Variants in TRPM7 observed in about 807,000 individuals in gnomAD.
TRPM7 encodes transient receptor potential cation channel subfamily M member 7, also known as LTRPC ion channel family member 7.
Under a neutral mutation model 229.7 loss-of-function variants are expected in TRPM7, and 134 were observed. The observed-to-expected ratio is 0.58, with a 90% CI of 0.51 to 0.67. The LOEUF is 0.67. Among genes scored for constraint, TRPM7 ranks in the 30% least tolerant of loss-of-function variants. TRPM7 has a pLI of 0.00. For synonymous variants in TRPM7, 699 were observed against 715.2 expected, an observed-to-expected ratio of 0.98 and a Z score of 0.36; for missense variants, 1,901 against 2,210.0, an observed-to-expected ratio of 0.86 and a Z score of 2.80.
intron 1 of TRPM7, among the ~76,000 whole-genome samples, chr15:50,681,912 T>A (rs898538702): frequency 2.0e-5 from 3 of 152,272 alleles, no homozygotes; most frequent in African/African-American, 7.2e-5. Flanking sequence ...GACTGTGCGG[T>A]GGCTCACGCC....
chr15:50,597,754 A>G (rs2059670235), intron 22 of TRPM7, among the ~76,000 whole-genome samples: 4 of 151,928 alleles, frequency 2.6e-5, no homozygotes, highest in African/African-American at 9.7e-5. Context: ...CTACTTAAAA[A>G]AACAAAAACA....
chr15:50,648,183 G>A (rs2061323959), intron 4 of TRPM7, among the ~76,000 whole-genome samples: 1 of 152,076 alleles, frequency 6.6e-6, no homozygotes, highest in Non-Finnish European at 1.5e-5. Flanking sequence ...GTATCTGAGG[G>A]AAGTCCTGAA....
intron 8 of TRPM7, among the ~76,000 whole-genome samples, chr15:50,633,754 A>G (rs1332515468): frequency 3.9e-5 from 6 of 152,160 alleles, no homozygotes; most frequent in Non-Finnish European, 8.8e-5. Context: ...GTAGCTTTAA[A>G]CATATATTAT....
intron 33 of TRPM7, among the ~76,000 whole-genome samples, 196 bp downstream of exon 33, chr15:50,575,528 T>C (rs569937089): frequency 6.6e-6 from 1 of 152,352 alleles, no homozygotes; most frequent in Non-Finnish European, 1.5e-5. Flanking sequence ...AATATGCCAG[T>C]AATGGAGAAA....
chr15:50,661,644 A>T (rs750381595), intron 2 of TRPM7, among the ~76,000 whole-genome samples: 1 of 152,254 alleles, frequency 6.6e-6, no homozygotes, highest in Non-Finnish European at 1.5e-5. Flanking sequence ...GACATATTCT[A>T]TAATATAAAG....
At position 50,576,158 on chromosome 15, in the gene TRPM7, T is replaced by C. The variant is rs573095820; in HGVS notation, c.4619-239A>G. 1.5e-4 allele frequency among the ~76,000 whole-genome samples: 23 copies of C among 152,330 alleles called. 1 individual carries two copies. Among genetic ancestry groups the C allele is most frequent in the South Asian group, 1.5e-3 (7 of 4,822 alleles). On this transcript the variant is annotated intron_variant, in intron 31 of 38. Transcript: ENST00000646667. ...GTGAAGAGCACATTATGCTGCACAC[T>C]ATCCTAACTCCTGCCATAAACTCAC...
At chr15:50,646,751 C>T (rs1466523154) in intron 4 of TRPM7, among the ~76,000 whole-genome samples, 1 of 152,156 alleles carries the variant, frequency 6.6e-6, no homozygotes, top group Non-Finnish European at 1.5e-5. Context: ...ATTTACAGTA[C>T]AGTCATGTGC....
At chr15:50,571,869 C>T (rs757643274) in intron 36 of TRPM7, among the ~76,000 whole-genome samples, 5 of 152,188 alleles carry the variant, frequency 3.3e-5, no homozygotes, top group African/African-American at 4.8e-5. Flanking sequence ...TATACATAAA[C>T]TTTGTTGATA....
At chr15:50,580,942 C>G in intron 29 of TRPM7, 34 bp from the exon 30 acceptor site, 1 of 1,558,242 alleles carries the variant, frequency 6.4e-7, no homozygotes, top group Non-Finnish European at 8.6e-7. Context: ...CACACAAAAA[C>G]CTTAAAGACA....
intron 16 of TRPM7, 23 bp downstream of exon 16, chr15:50,612,526 T>C: frequency 6.3e-7 from 1 of 1,594,960 alleles, no homozygotes; most frequent in Non-Finnish European, 8.5e-7. Flanking sequence ...TAAAATGTTT[T>C]CAAATGATAA....
rs1259026010 is a variant in TRPM7 at position 50,560,598 on chromosome 15, T to C, written c.*1080A>G. 6.6e-6 allele frequency: 1 copy of C among 152,622 alleles called. No individual in the cohort carries two copies. The highest frequency in any genetic ancestry group is 1.5e-5 in the Non-Finnish European group (1 of 68,038). 9.5% of individuals were successfully genotyped at this position (152,622 alleles called of 1,614,324 possible). Reference sequence around the variant, plus strand: ...AGATGAAAAGCTTTTCTTGTTATTGTTGAATATTCAACAATATCTGGGGCT... The same window carrying C: ...AGATGAAAAGCTTTTCTTGTTATTGCTGAATATTCAACAATATCTGGGGCT... On this transcript the variant is annotated 3_prime_UTR_variant, in exon 39 of 39. Transcript: ENST00000646667.
In TRPM7 at chr15:50,679,521, T is replaced by TATATTATATATATGTGTATATATATA. The variant is rs1567129306; in HGVS notation, c.3+7009_3+7010insTATATATATACACATATATATAATAT. ...TATGTGTATATATATAATATATATA[T>TATATTATATATATGTGTATATATATA]ATATATATATATATATATTTTTTTT... is the stretch of plus-strand genomic sequence containing the variant. On this transcript the variant is annotated intron_variant, in intron 1 of 38. Transcript: ENST00000646667. 2.3e-3 allele frequency among the ~76,000 whole-genome samples: 50 copies of TATATTATATATATGTGTATATATATA among 22,188 alleles called. 1 individual carries two copies. Among genetic ancestry groups the TATATTATATATATGTGTATATATATA allele is most frequent in the African/African-American group, 6.1e-3 (49 of 7,978 alleles). 14.6% of individuals were successfully genotyped at this position (22,188 alleles called of 152,430 possible). A position where few individuals can be genotyped will look rare whatever the true frequency, so the allele number is the denominator to read the frequency against.
rs1217468305 is a variant in TRPM7, at chr15:50,567,332, C to A, written c.5467+2555G>T. Among the ~76,000 whole-genome samples, 5 of 152,128 alleles carry A rather than the reference C, an allele frequency of 3.3e-5. 1 individual carries two copies. The highest frequency in any genetic ancestry group is 9.7e-5 in the African/African-American group (4 of 41,426). On this transcript the variant is annotated intron_variant, in intron 38 of 38. Coordinates refer to ENST00000646667, the MANE Select transcript of TRPM7 (RefSeq NM_017672.6). Reference sequence around the variant, plus strand: ...CCCAATGCTACCCCTGTCCCCTCCCCACTAAATGCTTAGTTTAAAACCATG... The same window carrying A: ...CCCAATGCTACCCCTGTCCCCTCCCAACTAAATGCTTAGTTTAAAACCATG...
Position 50,592,043 on chromosome 15 carries a change from G to T in TRPM7, c.4192C>A (p.Pro1398Thr). 1 of 1,613,416 alleles carries T rather than the reference G, an allele frequency of 6.2e-7. No homozygotes were observed. The highest frequency in any genetic ancestry group is 8.5e-7 in the Non-Finnish European group (1 of 1,179,760). ...GGTGTACTAACAAAAAATTTGGTTG[G>T]TGGGGATGACAGATGTGGTATGCTA... is the stretch of plus-strand genomic sequence containing the variant. ...STSIPHLSSP[P>T]TKFFVSTPSQ... Residue 1398 changes from proline (P) to threonine (T), a missense_variant, in exon 26 of 39, where the codon CCA becomes ACA. Coordinates refer to ENST00000646667, the MANE Select transcript of TRPM7 (RefSeq NM_017672.6).
rs2061335588 is a variant in TRPM7, at chr15:50,648,694, C to G, written c.314G>C (p.Arg105Thr). ...ATCCAATATGTGACATACCTTAGCTCTGTAGGAATGAGAACCCCCTTGAAA... is the reference window on the plus strand; with the variant it reads ...ATCCAATATGTGACATACCTTAGCTGTGTAGGAATGAGAACCCCCTTGAAA... ...INFQGGSHSY[R>T]AKYVRLSYDT... The change falls in exon 4 of 39, where the codon AGA (arginine) becomes ACA (threonine). Residue 105 changes from arginine (R) to threonine (T), a missense_variant. Around this residue, in one of 8 missense-constraint regions of TRPM7, gnomAD observed 794 missense variants for 881.9 expected, o/e 0.90. Coordinates refer to ENST00000646667, the MANE Select transcript of TRPM7 (RefSeq NM_017672.6). The G allele has an allele frequency of 6.2e-7, 1 of 1,606,054 alleles. No individual in the cohort carries two copies. Among genetic ancestry groups the G allele is most frequent in the African/African-American group, 1.3e-5 (1 of 74,700 alleles).
chr15:50,686,380 T>A (rs1304512941), intron 1 of TRPM7, 151 bp downstream of exon 1: 1 of 1,319,720 alleles, frequency 7.6e-7, no homozygotes, highest in Admixed American at 1.8e-5. Context: ...TGCACACCCG[T>A]CCCGAGAGGA....
intron 1 of TRPM7, among the ~76,000 whole-genome samples, chr15:50,672,774 G>A (rs907941390): frequency 1.3e-5 from 2 of 151,198 alleles, no homozygotes; most frequent in Non-Finnish European, 2.9e-5. Context: ...GCCAAGTGTG[G>A]TGGCGGATGC....
intron 12 of TRPM7, 23 bp from the exon 13 acceptor site, chr15:50,619,821 C>G: frequency 6.3e-7 from 1 of 1,583,464 alleles, no homozygotes; most frequent in Non-Finnish European, 8.6e-7. Flanking sequence ...AAAGTTACAG[C>G]AAACTATTAT....
chr15:50,653,998 G>A (rs1379898088), intron 3 of TRPM7, among the ~76,000 whole-genome samples: 1 of 151,990 alleles, frequency 6.6e-6, no homozygotes, highest in East Asian at 1.9e-4. Flanking sequence ...CCACATCCTA[G>A]GACTAAGTTC....
Sources: allele counts gnomAD v4.1 joint callset (sites outside exome capture counted in the v4.1 genomes callset), GRCh38; gene constraint gnomAD v4.1.1; regional missense constraint gnomAD v4.1.1; transcripts MANE v1.5; gene names NCBI Gene and HGNC (gene_info 2026-07-23, HGNC 2026-07-21).